Variants in ZFHX3 observed in about 807,000 individuals in gnomAD.
ZFHX3 encodes the protein zinc finger homeobox 3, also known as zinc finger homeobox protein 3.
Under a neutral mutation model 279.1 loss-of-function variants are expected in ZFHX3, and 42 were observed. The observed-to-expected ratio is 0.15, with a 90% confidence interval of 0.12 to 0.19. The LOEUF is 0.19. Among genes scored for constraint, ZFHX3 ranks in the 10% least tolerant of loss-of-function variants. The probability of loss-of-function intolerance (pLI) is 1.00; values close to 1 mark genes in which losing one functional copy is unlikely to be tolerated. For synonymous variants in ZFHX3, 2,293 were observed against 1,957.8 expected (o/e 1.17, Z -4.52); for missense variants, 4,981 against 4,754.0 (o/e 1.05, Z -1.40).
chr16:73,642,342 C>T (rs2052581188), intron 2 of ZFHX3, among the ~76,000 whole-genome samples: 1 of 152,180 alleles, frequency 6.6e-6, no homozygotes, highest in African/African-American at 2.4e-5. Context: ...CTTCAGGCTC[C>T]TGACTTCAGA....
chr16:73,795,165 C>G (rs1176001691), intron 1 of ZFHX3, among the ~76,000 whole-genome samples: 1 of 152,202 alleles, frequency 6.6e-6, no homozygotes, highest in East Asian at 1.9e-4. Flanking sequence ...CAGACCGCAG[C>G]CAGGAGTCTG....
intron 1 of ZFHX3, among the ~76,000 whole-genome samples, chr16:73,804,031 T>C (rs1233553378): frequency 6.6e-6 from 1 of 152,048 alleles, no homozygotes; most frequent in Non-Finnish European, 1.5e-5. Flanking sequence ...GTGGCACACA[T>C]CTGTAGCCCT....
At chr16:73,075,966 A>G (rs902936388) in intron 8 of ZFHX3, among the ~76,000 whole-genome samples, 2 of 152,166 alleles carry the variant, frequency 1.3e-5, no homozygotes, top group African/African-American at 4.8e-5. Context: ...AATTTAGAGA[A>G]CAGGAAGATT....
rs549375262 is a variant in ZFHX3 at position 73,859,844 on chromosome 16, C to A, written c.-1608+31807G>T. Among the ~76,000 whole-genome samples the A allele has an allele frequency of 6.6e-5, 10 of 152,278 alleles. No homozygotes were observed. The East Asian group carries it at 1.9e-3, about 29-fold the overall frequency. On this transcript the variant is annotated intron_variant, in intron 1 of 17. Transcript: ENST00000641206. ...ACTTGGGTTCAGAGCCTTTTTACAA[C>A]CTAGCACGGTACTGTTTATTTGGAA...
chr16:73,298,805 A>G (rs1436931308), intron 4 of ZFHX3, among the ~76,000 whole-genome samples: 1 of 152,234 alleles, frequency 6.6e-6, no homozygotes, highest in Non-Finnish European at 1.5e-5. Context: ...TATGTCAGTT[A>G]CCACAGTGAA....
chr16:73,475,487 A>G (rs1285370345), intron 2 of ZFHX3, among the ~76,000 whole-genome samples: 1 of 152,094 alleles, frequency 6.6e-6, no homozygotes, highest in Non-Finnish European at 1.5e-5. Flanking sequence ...TATTTGCCTA[A>G]AGGATGTATA....
At chr16:73,485,910 G>A (rs1438685939) in intron 2 of ZFHX3, among the ~76,000 whole-genome samples, 1 of 152,172 alleles carries the variant, frequency 6.6e-6, no homozygotes, top group Admixed American at 6.5e-5. Flanking sequence ...CGGAACTTAT[G>A]ACAGAATTTT....
chr16:72,893,129 G>C (rs2038814231), intron 3 of ZFHX3, among the ~76,000 whole-genome samples: 1 of 152,208 alleles, frequency 6.6e-6, no homozygotes, highest in Admixed American at 6.5e-5. Context: ...AGGACCAAAA[G>C]AATGATATTC....
At chr16:73,126,694 G>C (rs1966575432) in intron 7 of ZFHX3, 1 of 152,264 alleles carries the variant, frequency 6.6e-6, no homozygotes, top group Admixed American at 6.5e-5. Context: ...TTTCACTTGT[G>C]AGCCTGGAAC....
intron 1 of ZFHX3, among the ~76,000 whole-genome samples, chr16:73,755,922 G>C (rs1270336362): frequency 6.6e-6 from 1 of 152,190 alleles, no homozygotes; most frequent in Non-Finnish European, 1.5e-5. Flanking sequence ...CTCTCCCACG[G>C]CCGGGTGACA....
intron 1 of ZFHX3, among the ~76,000 whole-genome samples, chr16:73,878,181 A>G (rs1179094625): frequency 6.6e-6 from 1 of 152,104 alleles, no homozygotes; most frequent in Non-Finnish European, 1.5e-5. Flanking sequence ...TGCTGGTTCA[A>G]TCGATTGGTG....
At chr16:73,816,667 G>A (rs967144727) in intron 1 of ZFHX3, among the ~76,000 whole-genome samples, 3 of 152,194 alleles carry the variant, frequency 2.0e-5, no homozygotes, top group Non-Finnish European at 2.9e-5. Context: ...TGAATCTCAG[G>A]CAGGGGTACG....
intron 2 of ZFHX3, among the ~76,000 whole-genome samples, chr16:73,654,290 A>T (rs1179183134): frequency 6.6e-6 from 1 of 152,196 alleles, no homozygotes; most frequent in Non-Finnish European, 1.5e-5. Context: ...ATACTTTAGT[A>T]GTCTAATAAC....
intron 7 of ZFHX3, among the ~76,000 whole-genome samples, chr16:73,130,265 A>G (rs11860964): frequency 0.034 from 5,246 of 152,158 alleles, 319 homozygotes; most frequent in African/African-American, 0.12. Flanking sequence ...AAAAAAAAAA[A>G]CATCAGGGAA....
intron 1 of ZFHX3, among the ~76,000 whole-genome samples, chr16:73,771,385 G>A (rs901314517): frequency 6.6e-6 from 1 of 152,126 alleles, no homozygotes; most frequent in African/African-American, 2.4e-5. Context: ...AGCAGAGCTG[G>A]TCAGAAAAAA....
chr16:72,944,453 G>A (rs1960564455), intron 3 of ZFHX3, among the ~76,000 whole-genome samples: 1 of 152,128 alleles, frequency 6.6e-6, no homozygotes, highest in Admixed American at 6.5e-5. Flanking sequence ...TTTGCCTCTG[G>A]ACAGTAAAGT....
intron 1 of ZFHX3, among the ~76,000 whole-genome samples, chr16:73,884,367 A>G (rs1007752050): frequency 3.3e-5 from 5 of 152,164 alleles, no homozygotes; most frequent in African/African-American, 1.2e-4. Flanking sequence ...TTATCCATGG[A>G]CTAAATGCTA....
intron 2 of ZFHX3, among the ~76,000 whole-genome samples, chr16:73,643,541 G>C (rs1193944543): frequency 6.6e-6 from 1 of 152,186 alleles, no homozygotes; most frequent in African/African-American, 2.4e-5. Context: ...ATGACATCTT[G>C]AACTATGCTT....
At chr16:73,823,185 A>T (rs1463457204) in intron 1 of ZFHX3, among the ~76,000 whole-genome samples, 2 of 152,202 alleles carry the variant, frequency 1.3e-5, no homozygotes, top group Non-Finnish European at 2.9e-5. Context: ...TACCAAATCC[A>T]TGAGGTCAGG....
Sources: allele counts gnomAD v4.1 joint callset (sites outside exome capture counted in the v4.1 genomes callset), GRCh38; gene constraint gnomAD v4.1.1; transcripts MANE v1.5; gene names NCBI Gene and HGNC (gene_info 2026-07-23, HGNC 2026-07-21).